Variants in DNAI7 observed in about 807,000 individuals in gnomAD.
The protein encoded by DNAI7 is dynein axonemal intermediate chain 7, also known as cancer susceptibility 1.
A neutral mutation model predicts 86.6 loss-of-function variants in DNAI7; 78 were observed. The ratio of observed to expected loss-of-function variants is 0.90; its 90% CI spans 0.75 to 1.09. The LOEUF (loss-of-function observed/expected upper bound fraction) is 1.09. Ranked by LOEUF, DNAI7 falls within the 50% of genes least tolerant of loss-of-function variation. The pLI, the probability that DNAI7 is intolerant of heterozygous loss-of-function variation, is 0.00. For missense variants in DNAI7, 753 were observed against 810.2 expected, an observed-to-expected ratio of 0.93 and a Z score of 0.86; for synonymous variants, 274 against 273.0, an observed-to-expected ratio of 1.00 and a Z score of -0.04.
intron 2 of DNAI7, among the ~76,000 whole-genome samples, chr12:25,168,600 T>G (rs1317422181): frequency 6.6e-6 from 1 of 152,158 alleles, no homozygotes; most frequent in Non-Finnish European, 1.5e-5. Context: ...TACTCACTGC[T>G]GAAAAAGGAG....
At chr12:25,123,107 A>T (rs1424882949) in intron 10 of DNAI7, 104 bp downstream of exon 10, 1 of 718,878 alleles carries the variant, frequency 1.4e-6, no homozygotes, top group African/African-American at 1.8e-5. Context: ...TTCACTTTAA[A>T]TATATTTTTG....
intron 6 of DNAI7, 33 bp from the exon 7 acceptor site, chr12:25,149,807 C>A: frequency 7.6e-7 from 1 of 1,322,840 alleles, no homozygotes; most frequent in Non-Finnish European, 1.1e-6. Context: ...CATTAATTCT[C>A]AGAGAAATAG....
intron 8 of DNAI7, among the ~76,000 whole-genome samples, chr12:25,145,998 G>A (rs1002215020): frequency 6.9e-5 from 10 of 144,548 alleles, no homozygotes; most frequent in Admixed American, 1.4e-4. Flanking sequence ...CGAGATGTGC[G>A]GATCACCTGA....
intron 9 of DNAI7, among the ~76,000 whole-genome samples, chr12:25,134,480 C>T (rs892135139): frequency 6.6e-6 from 1 of 150,866 alleles, no homozygotes; most frequent in African/African-American, 2.4e-5. Flanking sequence ...CCTCAGCCTC[C>T]CGAGCAGTTG....
intron 2 of DNAI7, among the ~76,000 whole-genome samples, chr12:25,189,265 G>A (rs960670296): frequency 2.6e-5 from 4 of 152,152 alleles, no homozygotes; most frequent in Admixed American, 1.3e-4. Context: ...TCCTGACCAT[G>A]AAAAGCTCAC....
At chr12:25,146,793 C>T (rs1364496006) in intron 8 of DNAI7, among the ~76,000 whole-genome samples, 1 of 152,194 alleles carries the variant, frequency 6.6e-6, no homozygotes, top group Non-Finnish European at 1.5e-5. Flanking sequence ...ACACAATCAT[C>T]ATTTTACTGA....
chr12:25,194,473 G>C (rs1256476573), intron 1 of DNAI7, among the ~76,000 whole-genome samples: 2 of 152,158 alleles, frequency 1.3e-5, no homozygotes, highest in Non-Finnish European at 2.9e-5. Flanking sequence ...AAAATGTCTT[G>C]ATGGAAACCA....
intron 3 of DNAI7, 46 bp from the exon 4 acceptor site, chr12:25,158,609 ATTT>A: frequency 6.4e-7 from 1 of 1,565,248 alleles, no homozygotes; most frequent in Non-Finnish European, 8.7e-7. Context: ...AGATCACTGT[ATTT>A]TTAAGCCCTT....
At chr12:25,150,205 T>G (rs192694056) in intron 6 of DNAI7, among the ~76,000 whole-genome samples, 25 of 152,310 alleles carry the variant, frequency 1.6e-4, no homozygotes, top group African/African-American at 5.8e-4. Flanking sequence ...AACACATAAT[T>G]GTCCCAGTGC....
chr12:25,174,406 G>GATATATAT (rs1948582212), intron 2 of DNAI7, among the ~76,000 whole-genome samples: 1 of 104 alleles, frequency 9.6e-3, no homozygotes, highest in African/African-American at 0.025. Flanking sequence ...CATATATATG[G>GATATATAT]GATATATGGG....
At chr12:25,129,746 GTTTATTTTTAT>G (rs1220355908) in intron 9 of DNAI7, among the ~76,000 whole-genome samples, 1 of 143,098 alleles carries the variant, frequency 7.0e-6, no homozygotes, top group African/African-American at 2.5e-5. Context: ...TTTATTTTGG[GTTTATTTTTAT>G]TTTATTTTTA....
At chr12:25,129,090 T>G (rs1942526826) in intron 9 of DNAI7, among the ~76,000 whole-genome samples, 1 of 152,198 alleles carries the variant, frequency 6.6e-6, no homozygotes, top group Non-Finnish European at 1.5e-5. Context: ...TTTTATGACT[T>G]CTGCAATAAT....
intron 9 of DNAI7, 43 bp from the exon 10 acceptor site, chr12:25,123,329 A>G: frequency 1.5e-6 from 2 of 1,326,228 alleles, no homozygotes; most frequent in Non-Finnish European, 2.1e-6. Context: ...GTCAGTGTCT[A>G]CATAGTACAG....
intron 9 of DNAI7, among the ~76,000 whole-genome samples, chr12:25,136,226 A>G (rs1943536945): frequency 6.6e-6 from 1 of 152,226 alleles, no homozygotes; most frequent in South Asian, 2.1e-4. Context: ...AAGATGAATT[A>G]CATCACACGA....
intron 2 of DNAI7, among the ~76,000 whole-genome samples, chr12:25,182,049 T>C (rs947838274): frequency 7.2e-6 from 1 of 138,742 alleles, no homozygotes; most frequent in Non-Finnish European, 1.6e-5. Context: ...TTTTTTTTTT[T>C]CAAAGAGACA....
At chr12:25,133,107 T>G (rs748888532) in intron 9 of DNAI7, among the ~76,000 whole-genome samples, 8 of 152,086 alleles carry the variant, frequency 5.3e-5, no homozygotes, top group Non-Finnish European at 8.8e-5. Context: ...TTTCATTATT[T>G]TTATAATTTT....
intron 9 of DNAI7, among the ~76,000 whole-genome samples, chr12:25,124,144 C>A (rs541628518): frequency 5.3e-5 from 8 of 151,448 alleles, no homozygotes; most frequent in East Asian, 1.9e-4. Flanking sequence ...AATAGAATAA[C>A]CTTATACCAG....
chr12:25,153,185 G>A (rs1945764259), intron 6 of DNAI7, among the ~76,000 whole-genome samples: 1 of 152,150 alleles, frequency 6.6e-6, no homozygotes, highest in Admixed American at 6.5e-5. Context: ...ACTTTGGGAA[G>A]CTGAGGCTGC....
At chr12:25,110,090 A>G (rs566816249) in intron 15 of DNAI7, 37 bp downstream of exon 15, 124 of 987,318 alleles carry the variant, frequency 1.3e-4, no homozygotes, top group Non-Finnish European at 1.8e-4. Flanking sequence ...CTTCTTTTGG[A>G]GGACAAAGTA....
Sources: gnomAD v4.1 joint callset for allele counts (sites outside exome capture counted in the v4.1 genomes callset) on GRCh38, gnomAD v4.1.1 for gene constraint, MANE v1.5 for transcripts, NCBI Gene and HGNC (gene_info 2026-07-23, HGNC 2026-07-21) for gene names.